The following AMHR2 variants were observed in gnomAD, a reference collection of about 807,000 sequenced individuals.
AMHR2 encodes the protein anti-Muellerian hormone type-2 receptor.
Under a neutral mutation model 61.4 loss-of-function variants are expected in AMHR2, and 36 were observed. The ratio of observed to expected loss-of-function variants is 0.59; its 90% CI spans 0.45 to 0.77. The LOEUF is 0.77. Among genes scored for constraint, AMHR2 ranks in the 30% least tolerant of loss-of-function variants. The pLI is 0.00. For missense variants in AMHR2, 638 were observed against 714.6 expected, an observed-to-expected ratio of 0.89 and a Z score of 1.22; for synonymous variants, 258 against 279.4, an observed-to-expected ratio of 0.92 and a Z score of 0.76.
chr12:53,426,066 C>A (rs1939554699), intron 6 of AMHR2, 147 bp downstream of exon 6: 1 of 929,912 alleles, frequency 1.1e-6, no homozygotes, highest in Non-Finnish European at 1.7e-6. Context: ...CGAGGTGGCC[C>A]ACACCTGTAA....
chr12:53,430,348 G>A (rs1286248054), intron 10 of AMHR2, 66 bp downstream of exon 10: 8 of 1,611,438 alleles, frequency 5.0e-6, no homozygotes, highest in Non-Finnish European at 5.9e-6. Context: ...CTTCAAGGAC[G>A]TCTCTGCCAG....
chr12:53,424,425 G>T lies in AMHR2; in HGVS notation c.187G>T (p.Gly63Trp). The T allele has an allele frequency of 6.2e-7, 1 of 1,613,676 alleles. No homozygotes were observed. Among genetic ancestry groups the T allele is most frequent in the Non-Finnish European group, 8.5e-7 (1 of 1,179,872 alleles). The part of the protein sequence containing the change: ...IRCLYSRCCF[G>W]IWNLTQDRAQ... ...CTGCCTCTACAGCCGCTGCTGCTTTGGGATCTGGAACCTGACCCAAGACCG... is the reference window on the plus strand; with the variant it reads ...CTGCCTCTACAGCCGCTGCTGCTTTTGGATCTGGAACCTGACCCAAGACCG... The change falls in exon 2 of 11, where the codon GGG becomes TGG. Residue 63 changes from glycine to tryptophan, a missense_variant. By Grantham distance (184) the Gly-to-Trp change is radical (BLOSUM62 -2). Coordinates refer to ENST00000257863, the MANE Select transcript of AMHR2 (RefSeq NM_020547.3).
At chr12:53,426,042 T>A in intron 6 of AMHR2, 123 bp downstream of exon 6, 2 of 1,088,578 alleles carry the variant, frequency 1.8e-6, no homozygotes, top group African/African-American at 1.6e-5. Flanking sequence ...TCTAAAACAT[T>A]AAAAATGGCC....
At chr12:53,424,688 C>T in intron 2 of AMHR2, 21 bp from the exon 3 acceptor site, 1 of 1,611,790 alleles carries the variant, frequency 6.2e-7, no homozygotes, top group Non-Finnish European at 8.5e-7. Context: ...CTCTCCTCTT[C>T]CCCTAATCCC....
Position 53,424,907 on chromosome 12 carries a change from A to G in AMHR2, c.424+7A>G, listed in dbSNP as rs1243983356. ...GGTCCCCAGGCTGCCCCAGGTAGCC[A>G]CCCAAGGGTACTGAAGCCTGATGGG... On this transcript the variant is annotated splice_region_variant and intron_variant, in intron 3 of 10. Coordinates refer to ENST00000257863, the MANE Select transcript of AMHR2 (RefSeq NM_020547.3). 16 of 1,608,986 alleles carry G rather than the reference A, an allele frequency of 9.9e-6. No homozygotes were observed. The highest frequency in any genetic ancestry group is 1.4e-5 in the Non-Finnish European group (16 of 1,179,596).
chr12:53,425,031 C>T, intron 3 of AMHR2, 131 bp downstream of exon 3: 1 of 1,578,686 alleles, frequency 6.3e-7, no homozygotes, highest in South Asian at 1.1e-5. Flanking sequence ...AAGTTGGTTG[C>T]CCTGGTGACT....
At position 53,430,261 on chromosome 12, in the gene AMHR2, C is replaced by G; in HGVS notation, c.1404C>G (p.Ser468=). ...AGAGGAGGCGTCCCTACATCCCATC[C>G]ACCTGGCGCTGCTTTGCCACAGTAA... ...VQERRRPYIP[S]TWRCFATDPD... The change falls in exon 10 of 11, where the codon TCC becomes TCG. Residue 468 remains serine (S), a synonymous_variant. Transcript: ENST00000257863. 1 of 1,614,218 alleles carries G rather than the reference C, an allele frequency of 6.2e-7. No homozygotes were observed. The highest frequency in any genetic ancestry group is 2.2e-5 in the East Asian group (1 of 44,882).
At position 53,425,203 on chromosome 12, in the gene AMHR2, TTCC is replaced by T. The variant is rs1301913862; in HGVS notation, c.474_476del (p.Leu162del). The stretch of plus-strand genomic sequence containing the variant: ...GATGGCACTGGTGCTGCTGGGGCTG[TTCC>T]TCCTCCTCCTGCTGCTGCTGGGCAG... On this transcript the variant is annotated inframe_deletion, in exon 4 of 11. Coordinates refer to ENST00000257863, the MANE Select transcript of AMHR2 (RefSeq NM_020547.3). The T allele has an allele frequency of 1.9e-6, 3 of 1,613,792 alleles. No individual in the cohort carries two copies. The highest frequency in any genetic ancestry group is 1.3e-5 in the African/African-American group (1 of 74,854).
In AMHR2 at chr12:53,426,059, G is replaced by A. The variant is rs970952175; in HGVS notation, c.852+140G>A. The stretch of plus-strand genomic sequence containing the variant: ...TAAAACATTAAAAATGGCCAGGCGA[G>A]GTGGCCCACACCTGTAATCCCAGGA... On this transcript the variant is annotated intron_variant, in intron 6 of 10. Coordinates refer to ENST00000257863, the MANE Select transcript of AMHR2 (RefSeq NM_020547.3). The A allele has an allele frequency of 2.2e-5, 21 of 968,992 alleles. No individual in the cohort carries two copies. The Admixed American group carries it at 3.0e-4, about 14-fold the overall frequency. The allele number at this position is 968,992 out of a possible 1,614,324, so 60.0% of individuals were successfully genotyped here.
intron 6 of AMHR2, 87 bp from the exon 7 acceptor site, chr12:53,428,809 G>A (rs1458428963): frequency 2.1e-6 from 2 of 934,590 alleles, no homozygotes; most frequent in Non-Finnish European, 3.4e-6. Context: ...GATGCAGGGA[G>A]AAGACTGTCA....
chr12:53,426,207 G>C (rs890410725), intron 6 of AMHR2, among the ~76,000 whole-genome samples: 60 of 152,250 alleles, frequency 3.9e-4, no homozygotes, highest in African/African-American at 1.3e-3. Context: ...GTGCACACCT[G>C]TAGTCCCAGC....
In AMHR2 at chr12:53,428,865, G is replaced by A. The variant is rs139305476; in HGVS notation, c.853-31G>A. The A allele has an allele frequency of 4.1e-4, 612 of 1,502,370 alleles. 2 individuals are homozygous for A. In the African/African-American group the frequency reaches 7.5e-3, roughly 19 times the overall value. 93.1% of individuals were successfully genotyped at this position (1,502,370 alleles called of 1,614,324 possible). A position where few individuals can be genotyped will look rare whatever the true frequency, so the allele number is the denominator to read the frequency against. On this transcript the variant is annotated intron_variant, in intron 6 of 10. Transcript: ENST00000257863. ...ATGGATCAGCCGTCTCCAGCTTTGT[G>A]TACCATCCTTTTCTCTCTGCGTTTC...
Sources: allele counts gnomAD v4.1 joint callset (sites outside exome capture counted in the v4.1 genomes callset), GRCh38; gene constraint gnomAD v4.1.1; transcripts MANE v1.5; gene names NCBI Gene and HGNC (gene_info 2026-07-23, HGNC 2026-07-21).